Variants in CCDC137 observed in about 807,000 individuals in gnomAD.
CCDC137 encodes coiled-coil domain containing 137.
CCDC137 carries 24 observed loss-of-function variants against 30.4 expected under a neutral mutation model. That is an observed-to-expected ratio of 0.79 (90% CI 0.57 to 1.11). The LOEUF (loss-of-function observed/expected upper bound fraction) is 1.11, where lower values mean the gene tolerates loss of function less well. Ranked by LOEUF, CCDC137 falls within the 50% of genes least tolerant of loss-of-function variation. CCDC137 has a pLI of 0.00. For synonymous variants in CCDC137, 182 were observed against 155.7 expected, an observed-to-expected ratio of 1.17 and a Z score of -1.26; for missense variants, 417 against 380.4, an observed-to-expected ratio of 1.10 and a Z score of -0.80.
At chr17:81,671,482 T>G in intron 3 of CCDC137, 1 of 498,118 alleles carries the variant, frequency 2.0e-6, no homozygotes. Flanking sequence ...TCTGCACACA[T>G]TGTCAGATGT....
At chr17:81,670,711 C>T (rs1472180345) in intron 3 of CCDC137, among the ~76,000 whole-genome samples, 1 of 152,200 alleles carries the variant, frequency 6.6e-6, no homozygotes, top group African/African-American at 2.4e-5. Flanking sequence ...AGGAAAAGCA[C>T]CAGAAAGCCC....
At chr17:81,671,672 G>A in intron 3 of CCDC137, 72 bp from the exon 4 acceptor site, 1 of 1,483,356 alleles carries the variant, frequency 6.7e-7, no homozygotes, top group Non-Finnish European at 9.3e-7. Flanking sequence ...CTTGTGGGTG[G>A]GGCGGCCTCT....
intron 3 of CCDC137, among the ~76,000 whole-genome samples, chr17:81,671,332 TG>T (rs1484660199): frequency 6.6e-6 from 1 of 152,148 alleles, no homozygotes; most frequent in African/African-American, 2.4e-5. Context: ...AGATTCACAT[TG>T]AGGGAGACGT....
Position 81,672,857 on chromosome 17 carries a change from C to T in CCDC137, c.*153C>T. ...TGGGCACTAGTGGGTCCACATCTTG[C>T]AGGGGGTGAGTGCCCGATGGACTAG... On this transcript the variant is annotated 3_prime_UTR_variant, in exon 6 of 6. Coordinates refer to ENST00000329214, the MANE Select transcript of CCDC137 (RefSeq NM_199287.3). 1.4e-6 allele frequency: 1 copy of T among 733,158 alleles called. No homozygotes were observed. Among genetic ancestry groups the T allele is most frequent in the Non-Finnish European group, 2.2e-6 (1 of 459,060 alleles). The allele number at this position is 733,158 out of a possible 1,614,324, so 45.4% of individuals were successfully genotyped here.
intron 4 of CCDC137, 34 bp downstream of exon 4, chr17:81,671,860 G>A (rs144198140): frequency 1.2e-6 from 2 of 1,609,814 alleles, no homozygotes; most frequent in African/African-American, 2.7e-5. Context: ...GTCAGCAGTG[G>A]TCCGGGTGGG....
intron 3 of CCDC137, among the ~76,000 whole-genome samples, chr17:81,670,752 C>T (rs551324287): frequency 7.9e-5 from 12 of 152,286 alleles, no homozygotes; most frequent in African/African-American, 2.6e-4. Flanking sequence ...CTGAGGGGGT[C>T]GGTCTGAGGG....
rs745696787 is a variant in CCDC137, at chr17:81,672,116, G to C, written c.621G>C (p.Glu207Asp). 3.1e-6 allele frequency: 5 copies of C among 1,614,142 alleles called. No homozygotes were observed. The highest frequency in any genetic ancestry group is 3.4e-6 in the Non-Finnish European group (4 of 1,180,010). The change falls in exon 5 of 6, where the codon GAG becomes GAC. Residue 207 changes from glutamate (E) to aspartate (D), a missense_variant. Glu to Asp is a conservative substitution (Grantham distance 45). Transcript: ENST00000329214. ...GTGAGGTTGTCCTGCAGCCCCCAGA[G>C]CTGACTGCCAGGCCCCAGAGGAGCG... is the stretch of plus-strand genomic sequence containing the variant. ...KFGEVVLQPP[E>D]LTARPQRSVS...
chr17:81,670,625 C>T (rs2036709338), intron 3 of CCDC137, among the ~76,000 whole-genome samples, 172 bp downstream of exon 3: 2 of 152,276 alleles, frequency 1.3e-5, no homozygotes, highest in South Asian at 4.1e-4. Context: ...CAGCTGGGAG[C>T]CAGTGAGGGT....
At position 81,666,800 on chromosome 17, in the gene CCDC137, A is replaced by G; in HGVS notation, c.34A>G (p.Arg12Gly). The G allele has an allele frequency of 6.8e-7, 1 of 1,462,782 alleles. No individual in the cohort carries two copies. The highest frequency in any genetic ancestry group is 9.0e-7 in the Non-Finnish European group (1 of 1,112,254). 90.6% of individuals were successfully genotyped at this position (1,462,782 alleles called of 1,614,324 possible). ...AGAGRGAAVS[R>G]VQAGPGSPRR... Reference sequence around the variant, plus strand: ...AGCTGGTCGCGGAGCAGCGGTGTCCAGGGTGCAGGCGGGTCCTGGGAGTCC... The same window carrying G: ...AGCTGGTCGCGGAGCAGCGGTGTCCGGGGTGCAGGCGGGTCCTGGGAGTCC... The change falls in exon 1 of 6, where the codon AGG (arginine) becomes GGG (glycine). Residue 12 changes from arginine to glycine, a missense_variant. Transcript: ENST00000329214.
chr17:81,667,053 C>A (rs1015853258), intron 1 of CCDC137, 153 bp downstream of exon 1: 1 of 812,528 alleles, frequency 1.2e-6, no homozygotes, highest in Non-Finnish European at 1.7e-6. Flanking sequence ...GCCCACGCTC[C>A]GCCAGGATCG....
In CCDC137 at chr17:81,672,075, G is replaced by A. The variant is rs1177299991; in HGVS notation, c.581-1G>A. 1.9e-6 allele frequency: 3 copies of A among 1,614,126 alleles called. No individual in the cohort carries two copies. The highest frequency in any genetic ancestry group is 2.2e-5 in the East Asian group (1 of 44,882). On this transcript the variant is annotated splice_acceptor_variant, in intron 4 of 5. Coordinates refer to ENST00000329214, the MANE Select transcript of CCDC137 (RefSeq NM_199287.3). LOFTEE classifies it high-confidence loss of function. The stretch of plus-strand genomic sequence containing the variant: ...TCCTCAGTTGTATTCTGCTCCTCCA[G>A]ACACGGTGAAGTTTGGTGAGGTTGT...
rs372530090 is a variant in CCDC137, at chr17:81,672,872, C to T, written c.*168C>T. 135 of 663,338 alleles carry T rather than the reference C, an allele frequency of 2.0e-4. 1 individual carries two copies. The East Asian group carries it at 2.2e-3, about 11-fold the overall frequency. The allele number at this position is 663,338 out of a possible 1,614,324, so 41.1% of individuals were successfully genotyped here. A position where few individuals can be genotyped will look rare whatever the true frequency, so the allele number is the denominator to read the frequency against. ...CCACATCTTGCAGGGGGTGAGTGCC[C>T]GATGGACTAGGGCCAAGGCCTGGTT... On this transcript the variant is annotated 3_prime_UTR_variant, in exon 6 of 6. Coordinates refer to ENST00000329214, the MANE Select transcript of CCDC137 (RefSeq NM_199287.3).
chr17:81,671,558 AG>A, intron 3 of CCDC137, 185 bp from the exon 4 acceptor site: 1 of 597,804 alleles, frequency 1.7e-6, no homozygotes, highest in Non-Finnish European at 3.0e-6. Context: ...TGTTGGGGTC[AG>A]AGCCTTCTTT....
chr17:81,673,490 A>G lies in CCDC137; in HGVS notation c.*786A>G, dbSNP rs897711115. 1.3e-5 allele frequency: 2 copies of G among 152,264 alleles called. No individual in the cohort carries two copies. The highest frequency in any genetic ancestry group is 2.9e-5 in the Non-Finnish European group (2 of 68,080). The allele number at this position is 152,264 out of a possible 1,614,324, so 9.4% of individuals were successfully genotyped here. A position where few individuals can be genotyped will look rare whatever the true frequency, so the allele number is the denominator to read the frequency against. ...AAAGTGGCTGGAAGAAGGTAAAGGAAAAATCCTGTCTTGGGCTCAAGGTCA... is the reference window on the plus strand; with the variant it reads ...AAAGTGGCTGGAAGAAGGTAAAGGAGAAATCCTGTCTTGGGCTCAAGGTCA... On this transcript the variant is annotated 3_prime_UTR_variant, in exon 6 of 6. Coordinates refer to ENST00000329214, the MANE Select transcript of CCDC137 (RefSeq NM_199287.3).
intron 3 of CCDC137, among the ~76,000 whole-genome samples, chr17:81,671,005 G>A (rs1199039111): frequency 6.6e-6 from 1 of 152,046 alleles, no homozygotes; most frequent in Non-Finnish European, 1.5e-5. Context: ...GGTGGTGCAT[G>A]CCTGTAATTC....
intron 3 of CCDC137, 49 bp from the exon 4 acceptor site, chr17:81,671,695 G>A: frequency 6.3e-7 from 1 of 1,595,634 alleles, no homozygotes; most frequent in East Asian, 2.2e-5. Context: ...CTCCTCCCTG[G>A]GTGGAAAGAG....
At chr17:81,668,481 C>T (rs34118862) in intron 2 of CCDC137, among the ~76,000 whole-genome samples, 13,310 of 152,146 alleles carry the variant, frequency 0.087, 841 homozygotes, top group East Asian at 0.21. Flanking sequence ...GTATATTTTG[C>T]TTATAGACAC....
At chr17:81,667,486 C>G (rs1405280905) in intron 1 of CCDC137, among the ~76,000 whole-genome samples, 3 of 152,010 alleles carry the variant, frequency 2.0e-5, no homozygotes, top group African/African-American at 7.2e-5. Context: ...CGCCACCACG[C>G]CCGGCAAATT....
In CCDC137 at chr17:81,673,207, A is replaced by T. The variant is rs2036742713; in HGVS notation, c.*503A>T. The T allele has an allele frequency of 6.3e-6, 1 of 157,924 alleles. No individual in the cohort carries two copies. The highest frequency in any genetic ancestry group is 2.4e-5 in the African/African-American group (1 of 41,520). 9.8% of individuals were successfully genotyped at this position (157,924 alleles called of 1,614,324 possible). A position where few individuals can be genotyped will look rare whatever the true frequency, so the allele number is the denominator to read the frequency against. On this transcript the variant is annotated 3_prime_UTR_variant, in exon 6 of 6. Transcript: ENST00000329214. ...GTCCCCTACAGAGGCTGCCCACCCA[A>T]GGTTTGGTTGGGGTGAAACATGATG... is the stretch of plus-strand genomic sequence containing the variant.
Sources: allele counts gnomAD v4.1 joint callset (sites outside exome capture counted in the v4.1 genomes callset), GRCh38; gene constraint gnomAD v4.1.1; transcripts MANE v1.5; gene names NCBI Gene and HGNC (gene_info 2026-07-23, HGNC 2026-07-21).